Variants in CTNND2 observed in about 807,000 individuals in gnomAD.
CTNND2 encodes catenin delta 2.
Under a neutral mutation model 144.4 loss-of-function variants are expected in CTNND2, and 22 were observed. The ratio of observed to expected loss-of-function variants is 0.15; its 90% CI spans 0.11 to 0.22. The LOEUF is 0.22. Among genes scored for constraint, CTNND2 ranks in the 10% least tolerant of loss-of-function variants. The pLI, the probability that CTNND2 is intolerant of heterozygous loss-of-function variation, is 1.00. For synonymous variants in CTNND2, 751 were observed against 695.6 expected, an observed-to-expected ratio of 1.08 and a Z score of -1.25; for missense variants, 1,353 against 1,618.8, an observed-to-expected ratio of 0.84 and a Z score of 2.82.
At chr5:11,431,419 C>T (rs748294850) in intron 3 of CTNND2, among the ~76,000 whole-genome samples, 1 of 152,190 alleles carries the variant, frequency 6.6e-6, no homozygotes, top group Non-Finnish European at 1.5e-5. Context: ...TTTTCTCCCT[C>T]GCCTTGTCTC....
intron 2 of CTNND2, among the ~76,000 whole-genome samples, chr5:11,664,269 T>C (rs1195761409): frequency 6.6e-6 from 1 of 152,188 alleles, no homozygotes; most frequent in Non-Finnish European, 1.5e-5. Context: ...TTAAGAGTTT[T>C]CAGGGCTGAC....
intron 1 of CTNND2, among the ~76,000 whole-genome samples, chr5:11,888,570 T>C (rs561130171): frequency 2.1e-4 from 32 of 152,296 alleles, no homozygotes; most frequent in African/African-American, 7.5e-4. Flanking sequence ...AAGGAATACA[T>C]GTTATTTTTC....
intron 16 of CTNND2, among the ~76,000 whole-genome samples, chr5:11,058,023 T>C (rs1435363953): frequency 6.6e-6 from 1 of 152,122 alleles, no homozygotes; most frequent in Non-Finnish European, 1.5e-5. Context: ...ATTCAAAAGG[T>C]GACTTGGGTA....
intron 3 of CTNND2, among the ~76,000 whole-genome samples, chr5:11,486,355 A>G (rs1768829281): frequency 1.3e-5 from 2 of 152,188 alleles, no homozygotes; most frequent in South Asian, 4.1e-4. Context: ...TATCCAGTAG[A>G]TCGCACTAGG....
chr5:11,031,484 A>G (rs1743469346), intron 16 of CTNND2, among the ~76,000 whole-genome samples: 1 of 152,210 alleles, frequency 6.6e-6, no homozygotes, highest in African/African-American at 2.4e-5. Flanking sequence ...GAAATTTTTA[A>G]GTCTTCAATA....
At chr5:11,487,638 A>G (rs1010571672) in intron 3 of CTNND2, among the ~76,000 whole-genome samples, 1 of 152,226 alleles carries the variant, frequency 6.6e-6, no homozygotes, top group African/African-American at 2.4e-5. Context: ...ACCATTAAAA[A>G]TTAAATTATA....
chr5:11,799,663 C>T (rs748275088), intron 1 of CTNND2, among the ~76,000 whole-genome samples: 54 of 152,090 alleles, frequency 3.6e-4, no homozygotes, highest in Non-Finnish European at 7.2e-4. Flanking sequence ...CTGTCCATAT[C>T]GCTACTTGGA....
intron 10 of CTNND2, among the ~76,000 whole-genome samples, chr5:11,205,772 T>C (rs1045805732): frequency 2.0e-5 from 3 of 152,194 alleles, no homozygotes; most frequent in Non-Finnish European, 4.4e-5. Context: ...CTCCTTCCAA[T>C]TGTATGAAAT....
At chr5:11,500,642 T>C (rs1770443048) in intron 3 of CTNND2, among the ~76,000 whole-genome samples, 3 of 152,214 alleles carry the variant, frequency 2.0e-5, no homozygotes, top group Non-Finnish European at 1.5e-5. Context: ...TGCATATTAT[T>C]GTTGCTGAAA....
chr5:11,829,808 C>A (rs992018073), intron 1 of CTNND2, among the ~76,000 whole-genome samples: 1 of 152,198 alleles, frequency 6.6e-6, no homozygotes, highest in Non-Finnish European at 1.5e-5. Context: ...AATGGTAGAT[C>A]CACTGATGGT....
chr5:11,903,966 T>C lies in CTNND2; in HGVS notation c.-113A>G. 8.2e-7 allele frequency: 1 copy of C among 1,216,122 alleles called. No homozygotes were observed. The highest frequency in any genetic ancestry group is 1.0e-6 in the Non-Finnish European group (1 of 958,472). 75.3% of individuals were successfully genotyped at this position (1,216,122 alleles called of 1,614,324 possible). On this transcript the variant is annotated 5_prime_UTR_variant, in exon 1 of 22. Transcript: ENST00000304623. This position sits in a 1 kb window ranked among gnomAD's most constrained non-coding sequence, Gnocchi z 5.4. The stretch of plus-strand genomic sequence containing the variant: ...ACTGCAGCATCTTCCGCTTTTGTTG[T>C]CTGAGCGCGGCCGCGGGACAAGGGA...
chr5:11,113,301 G>A (rs571953012), intron 13 of CTNND2, among the ~76,000 whole-genome samples: 50 of 152,244 alleles, frequency 3.3e-4, no homozygotes, highest in Non-Finnish European at 5.3e-4. Context: ...GAGAAGAGGG[G>A]TGAGCAAACT....
Position 11,081,932 on chromosome 5 carries a change from T to C in CTNND2, c.2788+764A>G, listed in dbSNP as rs567343802. Reference sequence around the variant, plus strand: ...TGGTGATTGTACAACATTATGAATATACTAAATGCCACTAAAATGGTAGAC... The same window carrying C: ...TGGTGATTGTACAACATTATGAATACACTAAATGCCACTAAAATGGTAGAC... On this transcript the variant is annotated intron_variant, in intron 16 of 21. Transcript: ENST00000304623. Among the ~76,000 whole-genome samples, 3 of 152,364 alleles carry C rather than the reference T, an allele frequency of 2.0e-5. 1 individual carries two copies. The highest frequency in any genetic ancestry group is 6.8e-3 in the Middle Eastern group (2 of 294).
intron 2 of CTNND2, among the ~76,000 whole-genome samples, chr5:11,705,710 T>A (rs1349303844): frequency 1.3e-5 from 2 of 152,194 alleles, no homozygotes; most frequent in Non-Finnish European, 2.9e-5. Context: ...TGAACCTTGA[T>A]CCTTTTTCTT....
chr5:11,105,141 C>G (rs1382029095), intron 14 of CTNND2, among the ~76,000 whole-genome samples: 1 of 152,242 alleles, frequency 6.6e-6, no homozygotes, highest in Admixed American at 6.5e-5. Flanking sequence ...ATCACTGATG[C>G]TCATCTAGAA....
chr5:11,223,037 C>T (rs1013735950), intron 10 of CTNND2, among the ~76,000 whole-genome samples: 1 of 152,198 alleles, frequency 6.6e-6, no homozygotes, highest in Non-Finnish European at 1.5e-5. Flanking sequence ...AGGCCACTGC[C>T]TATGTCTGTG....
chr5:11,178,818 A>G (rs1281557413), intron 11 of CTNND2, among the ~76,000 whole-genome samples: 1 of 152,198 alleles, frequency 6.6e-6, no homozygotes, highest in African/African-American at 2.4e-5. Context: ...AATTTAGTGT[A>G]CCAGGAAGAC....
At chr5:11,162,935 G>T (rs1156844580) in intron 11 of CTNND2, among the ~76,000 whole-genome samples, 1 of 101,626 alleles carries the variant, frequency 9.8e-6, no homozygotes, top group East Asian at 5.9e-4. Flanking sequence ...ACACACACAT[G>T]TCTTGACTGA....
intron 3 of CTNND2, among the ~76,000 whole-genome samples, chr5:11,419,711 C>T (rs1000724631): frequency 1.3e-5 from 2 of 152,162 alleles, no homozygotes; most frequent in Non-Finnish European, 2.9e-5. Flanking sequence ...TAACTATCTC[C>T]AGGCCATTTC....
Sources: gnomAD v4.1 joint callset for allele counts (sites outside exome capture counted in the v4.1 genomes callset) on GRCh38, gnomAD v4.1.1 for gene constraint, Gnocchi (gnomAD v3.1) non-coding constraint, MANE v1.5 for transcripts, NCBI Gene and HGNC (gene_info 2026-07-23, HGNC 2026-07-21) for gene names.